The following LCE7A variants were observed in gnomAD, a reference collection of about 807,000 sequenced individuals.
The protein encoded by LCE7A is late cornified envelope protein 7A.
At chr1:152,860,634 T>C in the LCE7A span, among the ~76,000 whole-genome samples, 1 of 152,168 alleles carries the variant, frequency 6.6e-6, no homozygotes, top group Non-Finnish European at 1.5e-5. Flanking sequence ...ACAAACAAGG[T>C]TTACATTAAT....
chr1:152,860,188 C>T, the LCE7A span, among the ~76,000 whole-genome samples: 1 of 151,962 alleles, frequency 6.6e-6, no homozygotes, highest in African/African-American at 2.4e-5. Context: ...AGCAGCAAAC[C>T]CAGAAGGAGT....
At chr1:152,860,473 C>T in the LCE7A span, among the ~76,000 whole-genome samples, 1 of 152,104 alleles carries the variant, frequency 6.6e-6, no homozygotes, top group South Asian at 2.1e-4. Flanking sequence ...AGAATCAGGC[C>T]AGGCACAAGA....
the LCE7A span, among the ~76,000 whole-genome samples, chr1:152,860,408 T>G: frequency 6.6e-6 from 1 of 152,072 alleles, no homozygotes; most frequent in African/African-American, 2.4e-5. Flanking sequence ...TAAGTGAAGA[T>G]TTGGGGGACT....
At chr1:152,860,338 A>T in the LCE7A span, among the ~76,000 whole-genome samples, 1 of 152,222 alleles carries the variant, frequency 6.6e-6, no homozygotes, top group East Asian at 1.9e-4. Flanking sequence ...TGACGTAACC[A>T]TAGACTCAGG....
At chr1:152,860,448 G>A in the LCE7A span, among the ~76,000 whole-genome samples, 1 of 152,180 alleles carries the variant, frequency 6.6e-6, no homozygotes, top group Non-Finnish European at 1.5e-5. Context: ...TGCCTTTGAA[G>A]TCAGGAGTCT....
the LCE7A span, among the ~76,000 whole-genome samples, chr1:152,861,236 T>A: frequency 6.6e-6 from 1 of 152,216 alleles, no homozygotes; most frequent in Non-Finnish European, 1.5e-5. Flanking sequence ...ATAAAGCTTA[T>A]CTTTCCTGGT....
the LCE7A span, among the ~76,000 whole-genome samples, chr1:152,861,240 T>C: frequency 1.3e-5 from 2 of 152,218 alleles, no homozygotes; most frequent in African/African-American, 4.8e-5. Context: ...AGCTTATCTT[T>C]CCTGGTGCCC....
the LCE7A span, among the ~76,000 whole-genome samples, chr1:152,860,253 C>G: frequency 0.024 from 3,696 of 151,852 alleles, 167 homozygotes; most frequent in African/African-American, 0.085. Flanking sequence ...GAGACAGCCA[C>G]GCAGGGCTGA....
the LCE7A span, among the ~76,000 whole-genome samples, chr1:152,860,940 G>A: frequency 6.6e-5 from 10 of 152,200 alleles, no homozygotes; most frequent in African/African-American, 2.4e-4. Context: ...GTGAGCACGA[G>A]TCTTCTAGAT....
At chr1:152,860,316 G>C in the LCE7A span, among the ~76,000 whole-genome samples, 80 of 152,276 alleles carry the variant, frequency 5.3e-4, no homozygotes, top group Middle Eastern at 3.4e-3. Flanking sequence ...AAAGGGAGAT[G>C]ATGATGAGAG....
the LCE7A span, among the ~76,000 whole-genome samples, chr1:152,860,560 T>C: frequency 1.3e-5 from 2 of 152,224 alleles, no homozygotes; most frequent in African/African-American, 4.8e-5. Flanking sequence ...TCTGCTATTA[T>C]GATGTGGCTT....
chr1:152,860,758 C>A, the LCE7A span, among the ~76,000 whole-genome samples: 1 of 152,210 alleles, frequency 6.6e-6, no homozygotes, highest in Non-Finnish European at 1.5e-5. Flanking sequence ...CCCCAAATAT[C>A]CATCCAAGTG....
the LCE7A span, among the ~76,000 whole-genome samples, chr1:152,860,409 T>C: frequency 6.6e-6 from 1 of 152,060 alleles, no homozygotes. Flanking sequence ...AAGTGAAGAT[T>C]TGGGGGACTA....
chr1:152,860,146 C>T, the LCE7A span, among the ~76,000 whole-genome samples: 1 of 152,062 alleles, frequency 6.6e-6, no homozygotes, highest in Non-Finnish European at 1.5e-5. Context: ...CCAGGAAGAC[C>T]AGGCTCATGG....
the LCE7A span, among the ~76,000 whole-genome samples, chr1:152,861,017 G>A: frequency 6.6e-6 from 1 of 152,324 alleles, no homozygotes; most frequent in Non-Finnish European, 1.5e-5. Context: ...AAGAACCACA[G>A]CCAAGGACCC....
the LCE7A span, among the ~76,000 whole-genome samples, chr1:152,861,012 C>T: frequency 2.6e-4 from 40 of 152,296 alleles, no homozygotes; most frequent in East Asian, 6.6e-3. Context: ...AACCAAAGAA[C>T]CACAGCCAAG....
the LCE7A span, among the ~76,000 whole-genome samples, chr1:152,860,360 G>T: frequency 0.045 from 6,798 of 152,200 alleles, 483 homozygotes; most frequent in African/African-American, 0.15. Flanking sequence ...TAAAAATGTG[G>T]TTTTTAGAAT....
chr1:152,861,207 G>C, the LCE7A span, among the ~76,000 whole-genome samples: 1,469 of 152,304 alleles, frequency 9.6e-3, 22 homozygotes, highest in African/African-American at 0.033. Context: ...GCTTTTTGAA[G>C]CCTGATCTGT....
chr1:152,860,154 T>C, the LCE7A span, among the ~76,000 whole-genome samples: 1 of 152,100 alleles, frequency 6.6e-6, no homozygotes. Context: ...ACCAGGCTCA[T>C]GGCAATCATC....
Sources: gnomAD v4.1 joint callset for allele counts (sites outside exome capture counted in the v4.1 genomes callset) on GRCh38, gnomAD v4.1.1 for gene constraint, MANE v1.5 for transcripts, NCBI Gene and HGNC (gene_info 2026-07-23, HGNC 2026-07-21) for gene names.